The following MCF2L variants were observed in gnomAD, a reference collection of about 807,000 sequenced individuals.
MCF2L encodes MCF.2 cell line derived transforming sequence like.
Under a neutral mutation model 153.4 loss-of-function variants are expected in MCF2L, and 97 were observed. The ratio of observed to expected loss-of-function variants is 0.63; its 90% CI spans 0.54 to 0.75. The LOEUF (loss-of-function observed/expected upper bound fraction) is 0.75, where lower values mean the gene tolerates loss of function less well. Ranked by LOEUF, MCF2L falls within the 30% of genes least tolerant of loss-of-function variation. The pLI, the probability that MCF2L is intolerant of heterozygous loss-of-function variation, is 0.00. For missense variants in MCF2L, 1,347 were observed against 1,495.2 expected (o/e 0.90, Z 1.64); for synonymous variants, 659 against 632.2 (o/e 1.04, Z -0.64).
rs373675829 is a variant in MCF2L, at chr13:113,084,884, C to G, written c.2062-8C>G. ...ACTGCGTGATGCGGTGCCTGTCCCT[C>G]GGTGCAGATGGAAGATTTCCAGATC... On this transcript the variant is annotated splice_polypyrimidine_tract_variant and splice_region_variant and intron_variant, in intron 18 of 29. Coordinates refer to ENST00000535094, the MANE Select transcript of MCF2L (RefSeq NM_001112732.3). 1 of 1,609,618 alleles carries G rather than the reference C, an allele frequency of 6.2e-7. No homozygotes were observed. Among genetic ancestry groups the G allele is most frequent in the Non-Finnish European group, 8.5e-7 (1 of 1,176,248 alleles).
chr13:112,968,879 C>CGGCGGTGACACGAATTTCTAGGTGACCTT (rs1365753645), upstream of MCF2L: 15 of 800,948 alleles, frequency 1.9e-5, no homozygotes, highest in Non-Finnish European at 2.3e-5. Context: ...CAGGGGACCT[C>CGGCGGTGACACGAATTTCTAGGTGACCTT]GGCGGTGACA....
intron 3 of MCF2L, among the ~76,000 whole-genome samples, chr13:113,034,702 G>A (rs531571121): frequency 2.6e-5 from 4 of 151,964 alleles, no homozygotes; most frequent in East Asian, 1.9e-4. Flanking sequence ...GGTCTCACCC[G>A]CGCCCTTGCC....
chr13:112,971,066 C>T lies in MCF2L; in HGVS notation c.79+1608C>T, dbSNP rs566771325. Among the ~76,000 whole-genome samples, 10 of 152,306 alleles carry T rather than the reference C, an allele frequency of 6.6e-5. No individual in the cohort carries two copies. In the South Asian group the frequency reaches 1.9e-3, roughly 28 times the overall value. On this transcript the variant is annotated intron_variant, in intron 1 of 29. Coordinates refer to ENST00000535094, the MANE Select transcript of MCF2L (RefSeq NM_001112732.3). ...TACCACCCATTAACACTGGCCTCTT[C>T]CTTCAGCACAAACCCATTTTCTGCT... is the stretch of plus-strand genomic sequence containing the variant.
chr13:112,971,189 T>C (rs2082027571), intron 1 of MCF2L, among the ~76,000 whole-genome samples: 1 of 152,204 alleles, frequency 6.6e-6, no homozygotes, highest in Non-Finnish European at 1.5e-5. Flanking sequence ...GACATGATGC[T>C]ACCACAGAGT....
At chr13:113,094,412 C>CA in intron 26 of MCF2L, 102 bp from the exon 27 acceptor site, 5 of 1,287,994 alleles carry the variant, frequency 3.9e-6, no homozygotes, top group Non-Finnish European at 5.3e-6. Context: ...GCCCACGGCA[C>CA]ACATTTCAGG....
At chr13:113,051,063 T>G (rs2087280631) in intron 4 of MCF2L, among the ~76,000 whole-genome samples, 1 of 152,112 alleles carries the variant, frequency 6.6e-6, no homozygotes. Flanking sequence ...TGGCTGAGCT[T>G]TCTCAGAACA....
Position 112,941,728 on chromosome 13 carries a change from G to C in MCF2L, c.169+39357G>C, listed in dbSNP as rs1268387384. 1.3e-5 allele frequency among the ~76,000 whole-genome samples: 2 copies of C among 152,264 alleles called. No individual in the cohort carries two copies. The highest frequency in any genetic ancestry group is 2.9e-5 in the Non-Finnish European group (2 of 68,020). The stretch of plus-strand genomic sequence containing the variant: ...ATATAAAATAAGAATAGTTATACTA[G>C]ATATCGATCTTAGATGTGATTATAT... On this transcript the variant is annotated intron_variant, in intron 2 of 29. Transcript: ENST00000375608. The surrounding 1 kb of genome is among the most constrained non-coding windows in gnomAD (Gnocchi z 4.9).
intron 2 of MCF2L, chr13:112,916,987 C>G: frequency 2.2e-6 from 1 of 446,808 alleles, no homozygotes; most frequent in South Asian, 1.7e-5. Context: ...GTCCCCATCC[C>G]TCTTCCCACT....
At chr13:113,048,512 C>T (rs1379175868) in intron 4 of MCF2L, among the ~76,000 whole-genome samples, 1 of 117,834 alleles carries the variant, frequency 8.5e-6, no homozygotes, top group Non-Finnish European at 1.9e-5. Context: ...GCGATCTCAG[C>T]TCACTGCAAG....
At chr13:113,079,721 G>T (rs945796468) in intron 15 of MCF2L, among the ~76,000 whole-genome samples, 1 of 152,130 alleles carries the variant, frequency 6.6e-6, no homozygotes, top group African/African-American at 2.4e-5. Context: ...AGAGGGGCTT[G>T]CCAAGAAGCG....
chr13:112,966,867 A>G (rs1194844947), upstream of MCF2L, among the ~76,000 whole-genome samples: 2 of 152,338 alleles, frequency 1.3e-5, no homozygotes, highest in East Asian at 3.9e-4. This position sits in a 1 kb window ranked among gnomAD's most constrained non-coding sequence, Gnocchi z 4.1. Context: ...TTTGCTAGAA[A>G]TGCACATCCT....
At position 112,898,090 on chromosome 13, in the gene MCF2L, C is replaced by T. The variant is rs575383313; in HGVS notation, c.-5+3659C>T. The stretch of plus-strand genomic sequence containing the variant: ...GGCCGCCGCCCCCACCTCTACTCCA[C>T]GTTATTATTAATACTGGCGATTTAC... On this transcript the variant is annotated intron_variant, in intron 1 of 29. Transcript: ENST00000375608. Among the ~76,000 whole-genome samples the T allele has an allele frequency of 4.6e-5, 7 of 152,330 alleles. No individual in the cohort carries two copies. The East Asian group carries it at 5.8e-4, about 13-fold the overall frequency.
intron 1 of MCF2L, among the ~76,000 whole-genome samples, chr13:112,975,642 G>C (rs138355795): frequency 1.3e-5 from 2 of 152,188 alleles, no homozygotes; most frequent in African/African-American, 4.8e-5. Flanking sequence ...AGCCGCTGCC[G>C]TGGTCATCCT....
At chr13:112,898,529 A>T (rs1362572178) in intron 1 of MCF2L, among the ~76,000 whole-genome samples, 9 of 152,090 alleles carry the variant, frequency 5.9e-5, no homozygotes, top group South Asian at 4.1e-4. Context: ...CCTGCCAGAC[A>T]CGGCAGCAGC....
In MCF2L at chr13:113,031,394, G is replaced by A. The variant is rs188463568; in HGVS notation, c.278+6636G>A. Among the ~76,000 whole-genome samples, 140 of 152,328 alleles carry A rather than the reference G, an allele frequency of 9.2e-4. 1 individual carries two copies. The highest frequency in any genetic ancestry group is 1.6e-4 in the Non-Finnish European group (11 of 68,034). ...CATTCGTCACAGAGATCCCAGGAGG[G>A]CGCCAGCGGCATCTTTGGGGGCAGC... On this transcript the variant is annotated intron_variant, in intron 3 of 29. Coordinates refer to ENST00000535094, the MANE Select transcript of MCF2L (RefSeq NM_001112732.3). The surrounding 1 kb of genome is among the most constrained non-coding windows in gnomAD (Gnocchi z 5.5).
At chr13:113,085,802 C>T (rs113970348) in intron 20 of MCF2L, among the ~76,000 whole-genome samples, 6 of 74,702 alleles carry the variant, frequency 8.0e-5, no homozygotes, top group Non-Finnish European at 1.7e-4. Flanking sequence ...GGAGCAGGTG[C>T]GAGGGGTTTG....
At chr13:112,966,930 G>C (rs1031850327), upstream of MCF2L, among the ~76,000 whole-genome samples, 2 of 152,236 alleles carry the variant, frequency 1.3e-5, no homozygotes, top group African/African-American at 4.8e-5. This position sits in a 1 kb window ranked among gnomAD's most constrained non-coding sequence, Gnocchi z 4.1. Context: ...GAGCCCAGCT[G>C]TGTGAGCTTA....
At chr13:113,058,429 GT>G (rs201819148) in intron 4 of MCF2L, among the ~76,000 whole-genome samples, 2,401 of 151,150 alleles carry the variant, frequency 0.016, 32 homozygotes, top group Non-Finnish European at 0.023. Flanking sequence ...GGTGCTGTGT[GT>G]TTGAGTGCTG....
rs578044415 is a variant in MCF2L, at chr13:112,999,101, C to T, written c.80-15662C>T. ...CCCAGGGACACAGAGCAGGGCCAGC[C>T]CTCCCTGGCACAGGGCCATTGTGAG... On this transcript the variant is annotated intron_variant, in intron 1 of 29. Coordinates refer to ENST00000535094, the MANE Select transcript of MCF2L (RefSeq NM_001112732.3). Among the ~76,000 whole-genome samples the T allele has an allele frequency of 7.9e-5, 12 of 152,322 alleles. No homozygotes were observed. In the East Asian group the frequency reaches 1.7e-3, roughly 22 times the overall value.
Sources: allele counts gnomAD v4.1 joint callset (sites outside exome capture counted in the v4.1 genomes callset), GRCh38; gene constraint gnomAD v4.1.1; non-coding constraint Gnocchi (gnomAD v3.1); transcripts MANE v1.5; gene names NCBI Gene and HGNC (gene_info 2026-07-23, HGNC 2026-07-21).